Variants in TAFA4 observed in about 807,000 individuals in gnomAD.
TAFA4 encodes the protein chemokine-like protein TAFA-4.
Under a neutral mutation model 21.1 loss-of-function variants are expected in TAFA4, and 20 were observed. The ratio of observed to expected loss-of-function variants is 0.95; its 90% CI spans 0.67 to 1.38. The LOEUF is 1.38. Among genes scored for constraint, TAFA4 ranks in the 40% most tolerant of loss-of-function variants. TAFA4 has a pLI of 0.00. For synonymous variants in TAFA4, 71 were observed against 67.4 expected (o/e 1.05, Z -0.26); for missense variants, 211 against 180.9 (o/e 1.17, Z -0.95).
chr3:68,834,792 AT>A (rs1240609803), intron 3 of TAFA4, among the ~76,000 whole-genome samples: 1 of 151,900 alleles, frequency 6.6e-6, no homozygotes, highest in Non-Finnish European at 1.5e-5. Context: ...ATTTCACAAC[AT>A]TTTCACAGTC....
chr3:68,782,563 A>C (rs1327755308), intron 3 of TAFA4, among the ~76,000 whole-genome samples: 1 of 152,214 alleles, frequency 6.6e-6, no homozygotes, highest in African/African-American at 2.4e-5. Flanking sequence ...GATTGAAAAA[A>C]AATTGAGTAC....
chr3:68,833,604 A>C (rs1704452589), intron 3 of TAFA4, among the ~76,000 whole-genome samples: 1 of 152,238 alleles, frequency 6.6e-6, no homozygotes, highest in South Asian at 2.1e-4. Context: ...AAGAATGAAC[A>C]GTCAATAGTC....
At position 68,733,001 on chromosome 3, in the gene TAFA4, C is replaced by T. The variant is rs1702176434; in HGVS notation, c.*141G>A. On this transcript the variant is annotated 3_prime_UTR_variant, in exon 6 of 6. Transcript: ENST00000295569. Reference sequence around the variant, plus strand: ...AGGGCTGGGCCAGTTAAGTGAATGCCACCTCTCACAGCTCACATATACAAA... The same window carrying T: ...AGGGCTGGGCCAGTTAAGTGAATGCTACCTCTCACAGCTCACATATACAAA... 9.5e-7 allele frequency: 1 copy of T among 1,051,762 alleles called. No homozygotes were observed. Among genetic ancestry groups the T allele is most frequent in the African/African-American group, 1.6e-5 (1 of 62,782 alleles). 65.2% of individuals were successfully genotyped at this position (1,051,762 alleles called of 1,614,324 possible). A position where few individuals can be genotyped will look rare whatever the true frequency, so the allele number is the denominator to read the frequency against.
In TAFA4 at chr3:68,894,442, C is replaced by T. The variant is rs907146923; in HGVS notation, c.-122-9132G>A. On this transcript the variant is annotated intron_variant, in intron 1 of 5. Coordinates refer to ENST00000295569, the MANE Select transcript of TAFA4 (RefSeq NM_182522.5). The stretch of plus-strand genomic sequence containing the variant: ...CCCAAAGTACTGGCGTGAGCCACCA[C>T]GCCTGGCCATGTTACTTCTATAACA... 5.9e-5 allele frequency among the ~76,000 whole-genome samples: 9 copies of T among 152,302 alleles called. No individual in the cohort carries two copies. The South Asian group carries it at 6.2e-4, about 11-fold the overall frequency.
In TAFA4 at chr3:68,748,822, T is replaced by C. The variant is rs1395806732; in HGVS notation, c.286+4041A>G. ...AGCTTTGAAAAGTAACTACTTTCCATTTCTGAGCTTTTGTTTTATTAGTCT... is the reference window on the plus strand; with the variant it reads ...AGCTTTGAAAAGTAACTACTTTCCACTTCTGAGCTTTTGTTTTATTAGTCT... On this transcript the variant is annotated intron_variant, in intron 4 of 5. Coordinates refer to ENST00000295569, the MANE Select transcript of TAFA4 (RefSeq NM_182522.5). 2.0e-5 allele frequency among the ~76,000 whole-genome samples: 3 copies of C among 152,274 alleles called. No individual in the cohort carries two copies. The East Asian group carries it at 5.8e-4, about 29-fold the overall frequency.
rs191532437 is a variant in TAFA4 at position 68,894,111 on chromosome 3, A to G, written c.-122-8801T>C. 3.2e-3 allele frequency among the ~76,000 whole-genome samples: 483 copies of G among 152,100 alleles called. 3 individuals are homozygous for G. Among genetic ancestry groups the G allele is most frequent in the African/African-American group, 0.011 (460 of 41,506 alleles). On this transcript the variant is annotated intron_variant, in intron 1 of 5. Coordinates refer to ENST00000295569, the MANE Select transcript of TAFA4 (RefSeq NM_182522.5). ...ATGGAATACTACACATAATAAATGC[A>G]GGCTTAATGGGATTCAGTATTTGTT...
chr3:68,735,265 C>A (rs931483108), intron 5 of TAFA4, among the ~76,000 whole-genome samples: 4 of 151,904 alleles, frequency 2.6e-5, no homozygotes, highest in Non-Finnish European at 5.9e-5. Flanking sequence ...CAGTGAAGGC[C>A]CATTTAAGAT....
intron 3 of TAFA4, among the ~76,000 whole-genome samples, chr3:68,828,300 T>G (rs1704301195): frequency 1.3e-5 from 2 of 152,200 alleles, no homozygotes; most frequent in Admixed American, 6.5e-5. Flanking sequence ...TAGTTTGAAG[T>G]CAGGTAGCAT....
At chr3:68,919,577 A>G (rs770896300) in intron 1 of TAFA4, among the ~76,000 whole-genome samples, 1 of 152,198 alleles carries the variant, frequency 6.6e-6, no homozygotes, top group Non-Finnish European at 1.5e-5. Flanking sequence ...GTTTAAAGCT[A>G]AATTAATTAA....
At chr3:68,877,121 G>A (rs2089558489) in intron 3 of TAFA4, among the ~76,000 whole-genome samples, 1 of 152,106 alleles carries the variant, frequency 6.6e-6, no homozygotes, top group South Asian at 2.1e-4. Context: ...CACTTTGGGA[G>A]GCCGAGGTGG....
intron 1 of TAFA4, among the ~76,000 whole-genome samples, chr3:68,917,753 C>CAAAAAAA (rs55853026): frequency 0.019 from 1,111 of 58,088 alleles, 66 homozygotes; most frequent in African/African-American, 0.065. Context: ...GACTCTGTCT[C>CAAAAAAA]AAAAAAAAAA....
intron 3 of TAFA4, among the ~76,000 whole-genome samples, chr3:68,791,497 A>C (rs1225949551): frequency 1.3e-5 from 2 of 152,176 alleles, no homozygotes; most frequent in East Asian, 1.9e-4. Flanking sequence ...AGTCTCCAGA[A>C]CTGTGAGAGA....
intron 4 of TAFA4, among the ~76,000 whole-genome samples, chr3:68,751,904 G>T (rs577889396): frequency 6.6e-6 from 1 of 152,304 alleles, no homozygotes; most frequent in African/African-American, 2.4e-5. Flanking sequence ...TTCTGATAAA[G>T]AACTGTAGGT....
intron 3 of TAFA4, among the ~76,000 whole-genome samples, chr3:68,808,799 C>A (rs754768883): frequency 6.6e-6 from 1 of 152,178 alleles, no homozygotes; most frequent in South Asian, 2.1e-4. Flanking sequence ...TGGCTCACAA[C>A]AAGGGTTTAC....
chr3:68,801,381 A>C (rs1450271724), intron 3 of TAFA4, among the ~76,000 whole-genome samples: 1 of 152,202 alleles, frequency 6.6e-6, no homozygotes, highest in African/African-American at 2.4e-5. Flanking sequence ...TTTGGGGGAA[A>C]TATATAGGTC....
At chr3:68,811,785 C>T (rs1260653734) in intron 3 of TAFA4, among the ~76,000 whole-genome samples, 1 of 152,144 alleles carries the variant, frequency 6.6e-6, no homozygotes, top group Non-Finnish European at 1.5e-5. Context: ...CCCAATCTAC[C>T]AAGGCAGGCC....
intron 3 of TAFA4, among the ~76,000 whole-genome samples, chr3:68,793,547 A>C (rs1473460480): frequency 6.6e-6 from 1 of 152,222 alleles, no homozygotes. Flanking sequence ...CTTTGAGCTT[A>C]TATTTGAGCA....
At chr3:68,812,512 AG>A (rs1328024814) in intron 3 of TAFA4, among the ~76,000 whole-genome samples, 1 of 152,214 alleles carries the variant, frequency 6.6e-6, no homozygotes, top group African/African-American at 2.4e-5. Flanking sequence ...AAAAGAAGGC[AG>A]GGGTTGCAAT....
intron 3 of TAFA4, among the ~76,000 whole-genome samples, chr3:68,846,502 T>G (rs9877063): frequency 1.3e-5 from 2 of 151,832 alleles, no homozygotes; most frequent in Non-Finnish European, 2.9e-5. Flanking sequence ...TGCCCATCTT[T>G]TGAGGCCTAC....
Sources: gnomAD v4.1 joint callset for allele counts (sites outside exome capture counted in the v4.1 genomes callset) on GRCh38, gnomAD v4.1.1 for gene constraint, MANE v1.5 for transcripts, NCBI Gene and HGNC (gene_info 2026-07-23, HGNC 2026-07-21) for gene names.